MRPS22: variants seen among roughly 807,000 people sequenced by gnomAD.
MRPS22 encodes mitochondrial ribosomal protein S22.
Under a neutral mutation model 44.0 loss-of-function variants are expected in MRPS22, and 30 were observed. The ratio of observed to expected loss-of-function variants is 0.68; its 90% confidence interval spans 0.51 to 0.93. The LOEUF (loss-of-function observed/expected upper bound fraction) is 0.93. MRPS22 is among the 40% of genes least tolerant of loss of function. MRPS22 has a pLI of 0.00. For missense variants in MRPS22, 447 were observed against 447.8 expected (o/e 1.00, Z 0.02); for synonymous variants, 165 against 154.4 (o/e 1.07, Z -0.51).
At position 139,356,935 on chromosome 3, in the gene MRPS22, A is replaced by C. The variant is rs1239715977; in HGVS notation, c.1004A>C (p.Glu335Ala). The change falls in exon 8 of 8, where the codon GAA becomes GCA. Residue 335 changes from glutamate (E) to alanine (A), a missense_variant. Transcript: ENST00000680020. ...INLIKVFAKTEAQKGAYIELT... is the reference protein window; with the variant it reads ...INLIKVFAKTAAQKGAYIELT... ...TTTAAACAGGTCTTTGCAAAAACAGAAGCACAGAAGGGAGCCTATATAGAA... is the reference window on the plus strand; with the variant it reads ...TTTAAACAGGTCTTTGCAAAAACAGCAGCACAGAAGGGAGCCTATATAGAA... 1.2e-5 allele frequency: 19 copies of C among 1,612,676 alleles called. No homozygotes were observed. In the East Asian group the frequency reaches 3.1e-4, roughly 27 times the overall value.
chr3:139,351,142 G>GTAAGT, intron 5 of MRPS22, 82 bp downstream of exon 5: 4 of 1,091,890 alleles, frequency 3.7e-6, no homozygotes, highest in Non-Finnish European at 5.6e-6. Context: ...GAATTTCGTT[G>GTAAGT]TAAGTTTTGA....
intron 7 of MRPS22, 22 bp from the exon 8 acceptor site, chr3:139,356,897 A>T: frequency 6.4e-7 from 1 of 1,567,904 alleles, no homozygotes; most frequent in Non-Finnish European, 8.8e-7. Context: ...TTGTTTTAAA[A>T]TTTTCTTTTT....
Position 139,346,858 on chromosome 3 carries a change from T to C in MRPS22, c.173-20T>C. 1 of 1,613,938 alleles carries C rather than the reference T, an allele frequency of 6.2e-7. No individual in the cohort carries two copies. The highest frequency in any genetic ancestry group is 8.5e-7 in the Non-Finnish European group (1 of 1,179,830). On this transcript the variant is annotated intron_variant, in intron 1 of 7. Coordinates refer to ENST00000680020, the MANE Select transcript of MRPS22 (RefSeq NM_020191.4). The stretch of plus-strand genomic sequence containing the variant: ...GCTTGTCATTTTTGTCAGCTTCTTA[T>C]TTACTAAAGTCCATTTTAGCAGAAT...
intron 6 of MRPS22, 139 bp downstream of exon 6, chr3:139,352,931 A>G (rs1051857046): frequency 2.5e-5 from 23 of 916,544 alleles, no homozygotes; most frequent in Non-Finnish European, 3.7e-5. Context: ...TTGTTCTTTT[A>G]GTATAACCTA....
intron 1 of MRPS22, chr3:139,344,633 A>G (rs763079294): frequency 2.4e-4 from 165 of 678,102 alleles, no homozygotes; most frequent in Non-Finnish European, 4.1e-4. Context: ...GCTAAGGAGA[A>G]AGCAAGAAGC....
rs372691699 is a variant in MRPS22 at position 139,347,048 on chromosome 3, C to T, written c.339+4C>T. 3.3e-5 allele frequency: 53 copies of T among 1,613,902 alleles called. No individual in the cohort carries two copies. The highest frequency in any genetic ancestry group is 3.0e-4 in the South Asian group (27 of 91,080). ...GACTCAGGCACAGTTGGAAGAGGTA[C>T]GTGAATGCAGGAATATTGTTAGAAT... is the stretch of plus-strand genomic sequence containing the variant. On this transcript the variant is annotated splice_donor_region_variant and intron_variant, in intron 2 of 7. Coordinates refer to ENST00000680020, the MANE Select transcript of MRPS22 (RefSeq NM_020191.4).
Position 139,354,134 on chromosome 3 carries a change from T to C in MRPS22, c.878+1342T>C, listed in dbSNP as rs897852315. Among the ~76,000 whole-genome samples, 8 of 152,220 alleles carry C rather than the reference T, an allele frequency of 5.3e-5. No individual in the cohort carries two copies. The East Asian group carries it at 7.7e-4, about 15-fold the overall frequency. On this transcript the variant is annotated intron_variant, in intron 6 of 7. Coordinates refer to ENST00000680020, the MANE Select transcript of MRPS22 (RefSeq NM_020191.4). Reference sequence around the variant, plus strand: ...ATTCTGAACAGAAGAGTGAGCTTACTGCAAACCACAGGCTGGACAGTAGAG... The same window carrying C: ...ATTCTGAACAGAAGAGTGAGCTTACCGCAAACCACAGGCTGGACAGTAGAG...
rs1576363488 is a variant in MRPS22, at chr3:139,350,900, C to A, written c.649-77C>A. The A allele has an allele frequency of 8.9e-6, 10 of 1,117,602 alleles. No homozygotes were observed. The East Asian group carries it at 1.7e-4, about 18-fold the overall frequency. 69.2% of individuals were successfully genotyped at this position (1,117,602 alleles called of 1,614,324 possible). A position where few individuals can be genotyped will look rare whatever the true frequency, so the allele number is the denominator to read the frequency against. On this transcript the variant is annotated intron_variant, in intron 4 of 7. Coordinates refer to ENST00000680020, the MANE Select transcript of MRPS22 (RefSeq NM_020191.4). ...ACAGAGTGGCCAGTATGTGGGTGGG[C>A]AGGCCTGTCATGACATCAGGACAGG... is the stretch of plus-strand genomic sequence containing the variant.
chr3:139,355,613 C>T (rs1016810292), intron 6 of MRPS22, 69 bp from the exon 7 acceptor site: 5 of 1,270,340 alleles, frequency 3.9e-6, no homozygotes, highest in Non-Finnish European at 4.6e-6. Context: ...GAAGTTGGCA[C>T]ACACTTTTAT....
At chr3:139,347,180 A>G in intron 2 of MRPS22, 136 bp downstream of exon 2, 2 of 1,070,932 alleles carry the variant, frequency 1.9e-6, no homozygotes, top group South Asian at 2.7e-5. Context: ...AGAACTGAGA[A>G]AAGAAATGTG....
Position 139,351,000 on chromosome 3 carries a change from T to A in MRPS22, c.672T>A (p.His224Gln). 1 of 1,614,116 alleles carries A rather than the reference T, an allele frequency of 6.2e-7. No individual in the cohort carries two copies. Among genetic ancestry groups the A allele is most frequent in the Non-Finnish European group, 8.5e-7 (1 of 1,179,960 alleles). Reference sequence around the variant, plus strand: ...AGACTATGTATAGCCAGGACAGGCATGTTGATGTCCTCAATCTCTGCTTTG... The same window carrying A: ...AGACTATGTATAGCCAGGACAGGCAAGTTGATGTCCTCAATCTCTGCTTTG... ...NLRTMYSQDR[H>Q]VDVLNLCFAQ... Residue 224 changes from histidine (H) to glutamine (Q), a missense_variant, in exon 5 of 8, where the codon CAT becomes CAA. Transcript: ENST00000680020.
intron 5 of MRPS22, chr3:139,352,444 C>A (rs1315589050): frequency 1.9e-6 from 1 of 513,928 alleles, no homozygotes; most frequent in South Asian, 2.0e-5. Flanking sequence ...AAAATTCTTT[C>A]TTAATAGAAT....
intron 6 of MRPS22, among the ~76,000 whole-genome samples, chr3:139,353,102 G>A (rs954773903): frequency 1.4e-4 from 22 of 152,166 alleles, no homozygotes; most frequent in Non-Finnish European, 3.1e-4. Context: ...CCGAAAGGGG[G>A]ATTAAATAGG....
chr3:139,352,958 C>T (rs549585619), intron 6 of MRPS22, among the ~76,000 whole-genome samples, 166 bp downstream of exon 6: 25 of 152,180 alleles, frequency 1.6e-4, no homozygotes, highest in African/African-American at 5.5e-4. Context: ...CTAGTTTTTG[C>T]TTTTATATAA....
intron 6 of MRPS22, among the ~76,000 whole-genome samples, chr3:139,354,369 T>G (rs1374932961): frequency 1.3e-5 from 2 of 152,210 alleles, no homozygotes; most frequent in African/African-American, 4.8e-5. Context: ...AGCATGAACC[T>G]AATGAAGCCC....
chr3:139,345,458 T>G lies in MRPS22; in HGVS notation c.172+1260T>G, dbSNP rs199650742. Among the ~76,000 whole-genome samples the G allele has an allele frequency of 6.8e-3, 1,009 of 148,826 alleles. 71 individuals are homozygous for G. In the East Asian group the frequency reaches 0.15, roughly 22 times the overall value. On this transcript the variant is annotated intron_variant, in intron 1 of 7. Transcript: ENST00000680020. ...GTGGTGTTTTTTTTTTTGTTTTTTTTTTTTTTTTGTAAAATTGGGATAATC... is the reference window on the plus strand; with the variant it reads ...GTGGTGTTTTTTTTTTTGTTTTTTTGTTTTTTTTGTAAAATTGGGATAATC...
At position 139,347,063 on chromosome 3, in the gene MRPS22, AT is replaced by A. The variant is rs1480345211; in HGVS notation, c.339+21del. Reference sequence around the variant, plus strand: ...GGAAGAGGTACGTGAATGCAGGAATATTGTTAGAATACCTTTCTTTAAGGGT... The same window carrying A: ...GGAAGAGGTACGTGAATGCAGGAATATGTTAGAATACCTTTCTTTAAGGGT... On this transcript the variant is annotated intron_variant, in intron 2 of 7. Transcript: ENST00000680020. 1 of 1,613,828 alleles carries A rather than the reference AT, an allele frequency of 6.2e-7. No individual in the cohort carries two copies. Among genetic ancestry groups the A allele is most frequent in the South Asian group, 1.1e-5 (1 of 91,068 alleles).
chr3:139,352,681 G>A lies in MRPS22; in HGVS notation c.767G>A (p.Arg256His), dbSNP rs149674843. ...AAGACCTATGAAGATATAGATAAAC[G>A]TGGAAAATATGACCTTTTACGTTCA... Reference protein sequence around the residue: ...HHKTYEDIDKRGKYDLLRSTR... With the variant: ...HHKTYEDIDKHGKYDLLRSTR... Residue 256 changes from arginine (R) to histidine (H), a missense_variant, in exon 6 of 8, where the codon CGT (arginine) becomes CAT (histidine). Transcript: ENST00000680020. 1.4e-4 allele frequency: 218 copies of A among 1,613,260 alleles called. No homozygotes were observed. The highest frequency in any genetic ancestry group is 1.6e-4 in the Non-Finnish European group (188 of 1,179,416).
chr3:139,350,577 G>A (rs1415224909), intron 4 of MRPS22: 6 of 469,816 alleles, frequency 1.3e-5, no homozygotes, highest in South Asian at 8.5e-5. Context: ...ACAGGCGCCC[G>A]CCACCACGCT....
Sources: gnomAD v4.1 joint callset for allele counts (sites outside exome capture counted in the v4.1 genomes callset) on GRCh38, gnomAD v4.1.1 for gene constraint, MANE v1.5 for transcripts, NCBI Gene and HGNC (gene_info 2026-07-23, HGNC 2026-07-21) for gene names.